SPTLC2: variants seen among roughly 807,000 people sequenced by gnomAD.
The protein encoded by SPTLC2 is serine palmitoyltransferase 2.
Under a neutral mutation model 62.0 loss-of-function variants are expected in SPTLC2, and 21 were observed. The ratio of observed to expected loss-of-function variants is 0.34; its 90% CI spans 0.24 to 0.49. The LOEUF (loss-of-function observed/expected upper bound fraction) is 0.49. SPTLC2 is among the 20% of genes least tolerant of loss of function. SPTLC2 has a pLI of 0.99. For synonymous variants in SPTLC2, 261 were observed against 261.8 expected (o/e 1.00, Z 0.03); for missense variants, 511 against 713.0 (o/e 0.72, Z 3.23).
In SPTLC2 at chr14:77,512,054, C is replaced by T. The variant is rs1594964575; in HGVS notation, c.*230G>A. 2 of 579,120 alleles carry T rather than the reference C, an allele frequency of 3.5e-6. No homozygotes were observed. The highest frequency in any genetic ancestry group is 3.1e-5 in the East Asian group (1 of 32,732). The allele number at this position is 579,120 out of a possible 1,614,324, so 35.9% of individuals were successfully genotyped here. A position where few individuals can be genotyped will look rare whatever the true frequency, so the allele number is the denominator to read the frequency against. On this transcript the variant is annotated 3_prime_UTR_variant, in exon 12 of 12. Coordinates refer to ENST00000216484, the MANE Select transcript of SPTLC2 (RefSeq NM_004863.4). ...ATGTTTTTTTAATGGACTGAAAAAG[C>T]AAAGTGAGTCACCTTCGTTTTTAAA...
chr14:77,562,179 G>A (rs1179364509), intron 6 of SPTLC2, among the ~76,000 whole-genome samples: 1 of 152,204 alleles, frequency 6.6e-6, no homozygotes, highest in Non-Finnish European at 1.5e-5. Flanking sequence ...AAATGGGATG[G>A]AAAACTTCAT....
chr14:77,514,861 C>A (rs894360280), intron 11 of SPTLC2, among the ~76,000 whole-genome samples: 4 of 152,268 alleles, frequency 2.6e-5, no homozygotes, highest in Admixed American at 1.3e-4. Flanking sequence ...CTATGATTTG[C>A]CTGTTCTGGA....
At chr14:77,579,149 T>C (rs1326864013) in intron 2 of SPTLC2, 40 bp from the exon 3 acceptor site, 1 of 1,608,058 alleles carries the variant, frequency 6.2e-7, no homozygotes, top group Non-Finnish European at 8.5e-7. Context: ...TTAACTGAGT[T>C]ACTTTATTAA....
chr14:77,572,159 C>G (rs1292033552), intron 4 of SPTLC2, among the ~76,000 whole-genome samples: 1 of 152,194 alleles, frequency 6.6e-6, no homozygotes, highest in African/African-American at 2.4e-5. Flanking sequence ...CTGCACAATG[C>G]TCCTTTAACC....
At chr14:77,605,332 T>G (rs2079899656) in intron 1 of SPTLC2, among the ~76,000 whole-genome samples, 1 of 152,146 alleles carries the variant, frequency 6.6e-6, no homozygotes, top group African/African-American at 2.4e-5. Context: ...TATTCTTATG[T>G]CATGTTTGTG....
intron 8 of SPTLC2, among the ~76,000 whole-genome samples, chr14:77,553,976 C>A (rs1022478033): frequency 3.3e-5 from 5 of 152,112 alleles, no homozygotes; most frequent in Non-Finnish European, 5.9e-5. Context: ...CACCACCACA[C>A]CCAGCTAATT....
At chr14:77,611,613 G>A (rs2079938137) in intron 1 of SPTLC2, among the ~76,000 whole-genome samples, 1 of 152,050 alleles carries the variant, frequency 6.6e-6, no homozygotes, top group African/African-American at 2.4e-5. Flanking sequence ...ATCACCTGAG[G>A]TCAGGAGTTC....
At chr14:77,526,644 A>T (rs1566768998) in intron 9 of SPTLC2, among the ~76,000 whole-genome samples, 2 of 152,240 alleles carry the variant, frequency 1.3e-5, no homozygotes, top group Non-Finnish European at 1.5e-5. Flanking sequence ...GAGACAGAGA[A>T]AAGTAAATAT....
At chr14:77,615,208 C>A (rs953303167) in intron 1 of SPTLC2, among the ~76,000 whole-genome samples, 30 of 152,182 alleles carry the variant, frequency 2.0e-4, no homozygotes, top group African/African-American at 6.5e-4. Context: ...GAAAACAAAT[C>A]TTTTGATCTG....
intron 4 of SPTLC2, among the ~76,000 whole-genome samples, chr14:77,576,053 T>C (rs2140038508): frequency 6.6e-6 from 1 of 152,292 alleles, no homozygotes. Flanking sequence ...GAACCTTGGG[T>C]AAGAAGCACC....
chr14:77,536,843 G>A (rs1180175566), intron 9 of SPTLC2, among the ~76,000 whole-genome samples: 2 of 152,072 alleles, frequency 1.3e-5, no homozygotes, highest in Admixed American at 6.6e-5. Flanking sequence ...TGAAAATCAT[G>A]CAAATCAGTA....
chr14:77,524,885 AATGGGT>A (rs2079401314), intron 9 of SPTLC2, among the ~76,000 whole-genome samples: 2 of 152,294 alleles, frequency 1.3e-5, no homozygotes, highest in East Asian at 3.9e-4. Context: ...GAGGTTGGTT[AATGGGT>A]ACAAACATAT....
chr14:77,546,032 G>C (rs1052206543), intron 9 of SPTLC2, among the ~76,000 whole-genome samples: 3 of 152,206 alleles, frequency 2.0e-5, no homozygotes, highest in African/African-American at 7.2e-5. Flanking sequence ...GCTTTCATTT[G>C]TTGGGCTGAT....
At chr14:77,605,097 A>G (rs1282796508) in intron 1 of SPTLC2, among the ~76,000 whole-genome samples, 1 of 152,052 alleles carries the variant, frequency 6.6e-6, no homozygotes, top group Non-Finnish European at 1.5e-5. Context: ...CTGTAACCTC[A>G]AACTCCTGGG....
intron 7 of SPTLC2, among the ~76,000 whole-genome samples, chr14:77,556,087 C>CT (rs1399416074): frequency 1.3e-5 from 2 of 151,900 alleles, no homozygotes; most frequent in African/African-American, 4.8e-5. Context: ...CTTTGGTGGG[C>CT]TGAGGTAGGC....
intron 9 of SPTLC2, among the ~76,000 whole-genome samples, chr14:77,534,439 C>T (rs543843631): frequency 3.4e-4 from 52 of 152,068 alleles, no homozygotes; most frequent in Non-Finnish European, 6.3e-4. Flanking sequence ...TTCAGGATTT[C>T]TGAAAGAAAC....
At chr14:77,557,226 T>C (rs781651110) in intron 6 of SPTLC2, 80 bp from the exon 7 acceptor site, 2 of 1,287,028 alleles carry the variant, frequency 1.6e-6, no homozygotes, top group Non-Finnish European at 2.2e-6. Context: ...GATATATTTC[T>C]CATTCAGAAA....
chr14:77,586,627 CTAA>C (rs1335969086), intron 2 of SPTLC2, among the ~76,000 whole-genome samples: 1 of 152,074 alleles, frequency 6.6e-6, no homozygotes, highest in Non-Finnish European at 1.5e-5. Context: ...AAACACTATG[CTAA>C]GCGAAAGACA....
At chr14:77,545,176 TA>T (rs2079521216) in intron 9 of SPTLC2, among the ~76,000 whole-genome samples, 1 of 151,966 alleles carries the variant, frequency 6.6e-6, no homozygotes, top group African/African-American at 2.4e-5. Context: ...AATATTTAGA[TA>T]ATTAGAAAAA....
Sources: allele counts gnomAD v4.1 joint callset (sites outside exome capture counted in the v4.1 genomes callset), GRCh38; gene constraint gnomAD v4.1.1; transcripts MANE v1.5; gene names NCBI Gene and HGNC (gene_info 2026-07-23, HGNC 2026-07-21).